The following CNIH3 variants were observed in gnomAD, a reference collection of about 807,000 sequenced individuals.
CNIH3 encodes the protein cornichon family AMPA receptor auxiliary protein 3, also known as protein cornichon homolog 3.
CNIH3 carries 14 observed loss-of-function variants against 24.1 expected under a neutral mutation model. The observed-to-expected ratio is 0.58, with a 90% confidence interval of 0.38 to 0.91. CNIH3 has a LOEUF of 0.91. Among genes scored for constraint, CNIH3 ranks in the 40% least tolerant of loss-of-function variants. The pLI is 0.00. For synonymous variants in CNIH3, 68 were observed against 73.8 expected (o/e 0.92, Z 0.40); for missense variants, 178 against 196.8 (o/e 0.90, Z 0.57).
chr1:224,518,696 G>T (rs903734134), intron 1 of CNIH3, among the ~76,000 whole-genome samples: 2 of 152,136 alleles, frequency 1.3e-5, no homozygotes, highest in African/African-American at 4.8e-5. Context: ...CAGTCACTGT[G>T]ACAACCTTGT....
At chr1:224,649,755 A>T (rs747117932) in intron 1 of CNIH3, among the ~76,000 whole-genome samples, 2 of 152,168 alleles carry the variant, frequency 1.3e-5, no homozygotes, top group Non-Finnish European at 2.9e-5. Context: ...GGTCCACCAA[A>T]TGCAGGGTCT....
chr1:224,571,522 C>A (rs894751834), intron 4 of CNIH3, among the ~76,000 whole-genome samples: 10 of 151,860 alleles, frequency 6.6e-5, no homozygotes, highest in African/African-American at 2.4e-4. Context: ...GTCAGGAGTT[C>A]AAGACCAGCC....
At chr1:224,720,433 C>T (rs1427827745) in intron 3 of CNIH3, among the ~76,000 whole-genome samples, 2 of 152,156 alleles carry the variant, frequency 1.3e-5, no homozygotes, top group East Asian at 1.9e-4. Flanking sequence ...ACCTGGGAAA[C>T]GTGGCTGTAG....
chr1:224,459,331 A>G, intron 1 of CNIH3: 1 of 548,000 alleles, frequency 1.8e-6, no homozygotes, highest in Non-Finnish European at 2.3e-6. Context: ...TCTTTAACAA[A>G]GTGATGAAAA....
chr1:224,620,504 G>GCT (rs1304942533), intron 1 of CNIH3, among the ~76,000 whole-genome samples: 4 of 151,910 alleles, frequency 2.6e-5, no homozygotes, highest in Non-Finnish European at 5.9e-5. Flanking sequence ...TTCTGATTGG[G>GCT]GTTACAATAG....
intron 4 of CNIH3, chr1:224,575,442 A>G: frequency 1.5e-6 from 1 of 673,870 alleles, no homozygotes. Flanking sequence ...TTTCTGTCTC[A>G]TTTTTTTTTT....
chr1:224,637,499 C>A (rs1684151495), intron 1 of CNIH3, among the ~76,000 whole-genome samples: 2 of 152,046 alleles, frequency 1.3e-5, no homozygotes, highest in Non-Finnish European at 2.9e-5. Flanking sequence ...CCCTCTCCTG[C>A]CTCAACATAG....
At chr1:224,611,249 T>C (rs1339855165) in intron 3 of CNIH3, among the ~76,000 whole-genome samples, 1 of 152,156 alleles carries the variant, frequency 6.6e-6, no homozygotes, top group Non-Finnish European at 1.5e-5. Flanking sequence ...CAAAAGAGCT[T>C]GGGACATTAA....
At chr1:224,461,368 A>G (rs1413393935) in intron 1 of CNIH3, among the ~76,000 whole-genome samples, 2 of 152,164 alleles carry the variant, frequency 1.3e-5, no homozygotes, top group African/African-American at 4.8e-5. Flanking sequence ...ATACATTTTA[A>G]ACAACATGAG....
chr1:224,644,506 ATAT>A (rs764638830), intron 1 of CNIH3, among the ~76,000 whole-genome samples: 4 of 152,134 alleles, frequency 2.6e-5, no homozygotes, highest in Non-Finnish European at 4.4e-5. Context: ...TCTGGCTCTA[ATAT>A]TATGCCTGGC....
intron 1 of CNIH3, among the ~76,000 whole-genome samples, chr1:224,655,651 C>T (rs754137050): frequency 5.3e-5 from 8 of 152,180 alleles, no homozygotes; most frequent in Non-Finnish European, 1.0e-4. Context: ...TTTCCAGACA[C>T]CTAGTGTTAG....
intron 4 of CNIH3, among the ~76,000 whole-genome samples, chr1:224,732,420 A>C (rs1344060052): frequency 6.6e-6 from 1 of 152,162 alleles, no homozygotes; most frequent in Admixed American, 6.5e-5. Context: ...CTCTCATCTG[A>C]ATTAGAGAGA....
At chr1:224,651,403 AT>A (rs1210847157) in intron 1 of CNIH3, among the ~76,000 whole-genome samples, 2 of 152,178 alleles carry the variant, frequency 1.3e-5, no homozygotes, top group African/African-American at 4.8e-5. Context: ...TACATCACAC[AT>A]TCTGGTTTTC....
At chr1:224,627,513 C>A (rs537381764) in intron 1 of CNIH3, among the ~76,000 whole-genome samples, 5 of 152,182 alleles carry the variant, frequency 3.3e-5, no homozygotes, top group Admixed American at 3.3e-4. Flanking sequence ...CGTGAGCCAC[C>A]GCACCTGGCC....
At chr1:224,469,561 G>T (rs900370500) in intron 1 of CNIH3, among the ~76,000 whole-genome samples, 2 of 152,110 alleles carry the variant, frequency 1.3e-5, no homozygotes, top group Admixed American at 6.6e-5. Flanking sequence ...AGACTGGAGC[G>T]CAGTGGTGCA....
intron 3 of CNIH3, among the ~76,000 whole-genome samples, chr1:224,556,174 CT>C (rs1403494474): frequency 6.7e-6 from 1 of 149,084 alleles, no homozygotes; most frequent in Non-Finnish European, 1.5e-5. Context: ...CTTGGTTTTC[CT>C]ATCTTTTTTT....
intron 1 of CNIH3, among the ~76,000 whole-genome samples, chr1:224,448,472 G>C (rs965423248): frequency 7.4e-4 from 112 of 152,174 alleles, no homozygotes; most frequent in African/African-American, 2.7e-3. Context: ...ATCAGATTCA[G>C]ACTTAAGAAA....
chr1:224,554,845 C>T (rs910803832), intron 3 of CNIH3, among the ~76,000 whole-genome samples: 47 of 152,130 alleles, frequency 3.1e-4, no homozygotes, highest in African/African-American at 1.1e-3. Flanking sequence ...CCTCGACCTC[C>T]CAAAGTGCTG....
intron 3 of CNIH3, among the ~76,000 whole-genome samples, chr1:224,607,821 G>T (rs1682497476): frequency 6.6e-6 from 1 of 152,152 alleles, no homozygotes; most frequent in Non-Finnish European, 1.5e-5. Flanking sequence ...GTGTGACCCA[G>T]TTCCCAGCTT....
Sources: gnomAD v4.1 joint callset for allele counts (sites outside exome capture counted in the v4.1 genomes callset) on GRCh38, gnomAD v4.1.1 for gene constraint, MANE v1.5 for transcripts, NCBI Gene and HGNC (gene_info 2026-07-23, HGNC 2026-07-21) for gene names.